The following DSC2 variants were observed in gnomAD, a reference collection of about 807,000 sequenced individuals.
DSC2 encodes the protein desmocollin-2.
Under a neutral mutation model 87.6 loss-of-function variants are expected in DSC2, and 51 were observed. The observed-to-expected ratio is 0.58, with a 90% CI of 0.46 to 0.74. The LOEUF (loss-of-function observed/expected upper bound fraction) is 0.74, where lower values mean the gene tolerates loss of function less well. Among genes scored for constraint, DSC2 ranks in the 30% least tolerant of loss-of-function variants. DSC2 has a pLI of 0.00. For missense variants in DSC2, 1,066 were observed against 1,089.5 expected (o/e 0.98, Z 0.30); for synonymous variants, 383 against 393.2 (o/e 0.97, Z 0.31).
intron 7 of DSC2, 68 bp from the exon 8 acceptor site, chr18:31,083,128 C>T (rs1987286342): frequency 1.9e-6 from 3 of 1,551,120 alleles, no homozygotes; most frequent in East Asian, 4.7e-5. Flanking sequence ...TCTTACTTTA[C>T]ACTCCATAAT....
At chr18:31,094,102 G>A (rs933770979) in intron 1 of DSC2, among the ~76,000 whole-genome samples, 6 of 152,070 alleles carry the variant, frequency 3.9e-5, no homozygotes, top group Admixed American at 6.6e-5. Flanking sequence ...GTACAGTGAC[G>A]ATCCAACAAC....
chr18:31,075,814 C>T (rs1294602782), intron 11 of DSC2, among the ~76,000 whole-genome samples: 3 of 152,082 alleles, frequency 2.0e-5, no homozygotes, highest in Non-Finnish European at 2.9e-5. Flanking sequence ...CACACCATTG[C>T]ACTCCAGCCT....
At chr18:31,096,107 T>G (rs1191497481) in intron 1 of DSC2, among the ~76,000 whole-genome samples, 1 of 152,108 alleles carries the variant, frequency 6.6e-6, no homozygotes, top group African/African-American at 2.4e-5. Flanking sequence ...TTGGAGCAAA[T>G]AAATTAAATA....
At chr18:31,088,081 T>G (rs914808448) in intron 5 of DSC2, among the ~76,000 whole-genome samples, 1 of 152,236 alleles carries the variant, frequency 6.6e-6, no homozygotes, top group Non-Finnish European at 1.5e-5. Context: ...CTGTTATTCA[T>G]GAGTGTAACA....
chr18:31,083,153 A>C, intron 7 of DSC2, 93 bp from the exon 8 acceptor site: 1 of 1,412,724 alleles, frequency 7.1e-7, no homozygotes, highest in Non-Finnish European at 9.7e-7. Context: ...TTGCACTAAG[A>C]ATTTAAGAAG....
At chr18:31,093,721 T>A (rs940879339) in intron 1 of DSC2, 78 bp from the exon 2 acceptor site, 1 of 672,604 alleles carries the variant, frequency 1.5e-6, no homozygotes. Flanking sequence ...ATATAAATTA[T>A]AAATTTATAA....
In DSC2 at chr18:31,087,826, T is replaced by C. The variant is rs1465021513; in HGVS notation, c.631-13A>G. 1.2e-6 allele frequency: 2 copies of C among 1,613,116 alleles called. No homozygotes were observed. The highest frequency in any genetic ancestry group is 1.1e-5 in the South Asian group (1 of 91,072). On this transcript the variant is annotated splice_polypyrimidine_tract_variant and intron_variant, in intron 5 of 15. Transcript: ENST00000280904. The stretch of plus-strand genomic sequence containing the variant: ...CAAAGGCAATTATCTGTGAAGAGAG[T>C]AAAATAAGGAGAAAAGTGAAAATAA...
chr18:31,074,704 A>G lies in DSC2; in HGVS notation c.1867T>C (p.Trp623Arg), dbSNP rs764869958. Reference sequence around the variant, plus strand: ...ATACCATTAATTGCTTTCAGTCTCCACATTCTCTGTACTTCTGAAGTAGAA... The same window carrying G: ...ATACCATTAATTGCTTTCAGTCTCCGCATTCTCTGTACTTCTGAAGTAGAA... ...ESSTSEVQRM[W>R]RLKAINDTAA... Residue 623 changes from tryptophan to arginine, a missense_variant, in exon 12 of 16, where the codon TGG (tryptophan) becomes CGG (arginine). Trp to Arg is a moderately radical substitution (Grantham distance 101). Coordinates refer to ENST00000280904, the MANE Select transcript of DSC2 (RefSeq NM_024422.6). 6 of 1,613,978 alleles carry G rather than the reference A, an allele frequency of 3.7e-6. No homozygotes were observed. Among genetic ancestry groups the G allele is most frequent in the Non-Finnish European group, 5.1e-6 (6 of 1,179,944 alleles).
Position 31,071,647 on chromosome 18 carries a change from A to G in DSC2, c.2083T>C (p.Trp695Arg). The G allele has an allele frequency of 1.2e-6, 2 of 1,614,140 alleles. No homozygotes were observed. Among genetic ancestry groups the G allele is most frequent in the Non-Finnish European group, 1.7e-6 (2 of 1,179,992 alleles). Reference sequence around the variant, plus strand: ...CCCAACAATATTGCAAGGATGGCCCACTTTCCAAGTTGTACTCCTCCACCG... The same window carrying G: ...CCCAACAATATTGCAAGGATGGCCCGCTTTCCAAGTTGTACTCCTCCACCG... ...IGGGGVQLGKWAILAILLGIA... is the reference protein window; with the variant it reads ...IGGGGVQLGKRAILAILLGIA... The change falls in exon 13 of 16, where the codon TGG (tryptophan) becomes CGG (arginine). Residue 695 changes from tryptophan (W) to arginine (R), a missense_variant. Physicochemically the swap from Trp to Arg is moderately radical, Grantham distance 101. Coordinates refer to ENST00000280904, the MANE Select transcript of DSC2 (RefSeq NM_024422.6).
rs553910391 is a variant in DSC2 at position 31,093,808 on chromosome 18, T to C, written c.70-165A>G. On this transcript the variant is annotated intron_variant, in intron 1 of 15. Coordinates refer to ENST00000280904, the MANE Select transcript of DSC2 (RefSeq NM_024422.6). ...ACATATTGACTACACTAAATATTAA[T>C]TTTAAAATATTTAATTAAATATAAA... 5.4e-5 allele frequency among the ~76,000 whole-genome samples: 8 copies of C among 149,278 alleles called. No individual in the cohort carries two copies. In the South Asian group the frequency reaches 8.3e-4, roughly 16 times the overall value.
rs1987294066 is a variant in DSC2 at position 31,083,323 on chromosome 18, T to TC, written c.943-264dup. Among the ~76,000 whole-genome samples the TC allele has an allele frequency of 3.9e-5, 6 of 152,264 alleles. No individual in the cohort carries two copies. In the South Asian group the frequency reaches 1.2e-3, roughly 32 times the overall value. ...ATCTTGGCTCACTGCAACCTCTGCCTCCCGGGTTCAAGCGAGGCAGGAGAA... is the reference window on the plus strand; with the variant it reads ...ATCTTGGCTCACTGCAACCTCTGCCTCCCCGGGTTCAAGCGAGGCAGGAGAA... On this transcript the variant is annotated intron_variant, in intron 7 of 15. Coordinates refer to ENST00000280904, the MANE Select transcript of DSC2 (RefSeq NM_024422.6).
intron 5 of DSC2, 55 bp downstream of exon 5, chr18:31,089,384 A>T (rs963160039): frequency 6.9e-6 from 11 of 1,605,824 alleles, no homozygotes; most frequent in Admixed American, 3.3e-5. Flanking sequence ...CAAATGAGAG[A>T]CAAAATGGCC....
chr18:31,071,066 A>G lies in DSC2; in HGVS notation c.2126-216T>C, dbSNP rs548778071. 3.3e-5 allele frequency among the ~76,000 whole-genome samples: 5 copies of G among 152,272 alleles called. No homozygotes were observed. In the East Asian group the frequency reaches 5.8e-4, roughly 18 times the overall value. ...ATAGCATATCTACTTAAACTTTTAA[A>G]CAGATATGCTATAATTATGTTACAT... On this transcript the variant is annotated intron_variant, in intron 13 of 15. Transcript: ENST00000280904.
rs1002646457 is a variant in DSC2, at chr18:31,092,218, G to C, written c.237C>G (p.Val79=). The part of the protein sequence containing the change: ...PDFQILEDGS[V]YTTNTILLSS... ...ACAATAGAATAGTATTTGTTGTATA[G>C]ACTGAACCATCCTCCAAAATTTGGA... The change falls in exon 3 of 16, where the codon GTC becomes GTG. Residue 79 remains valine (V), a synonymous_variant. Coordinates refer to ENST00000280904, the MANE Select transcript of DSC2 (RefSeq NM_024422.6). 4 of 1,613,712 alleles carry C rather than the reference G, an allele frequency of 2.5e-6. No individual in the cohort carries two copies. The highest frequency in any genetic ancestry group is 3.4e-6 in the Non-Finnish European group (4 of 1,179,764).
intron 11 of DSC2, among the ~76,000 whole-genome samples, chr18:31,075,855 C>T (rs1014063346): frequency 4.7e-5 from 7 of 149,926 alleles, no homozygotes; most frequent in South Asian, 2.1e-4. Flanking sequence ...CATCTCAAAA[C>T]GAAAAAAAGA....
chr18:31,082,468 C>G (rs776278136), intron 8 of DSC2, 45 bp from the exon 9 acceptor site: 1 of 1,545,412 alleles, frequency 6.5e-7, no homozygotes, highest in South Asian at 1.1e-5. Flanking sequence ...GTAACTCTCA[C>G]AAAAATTGAA....
Position 31,071,780 on chromosome 18 carries a change from TA to T in DSC2, c.1949del (p.Ile650LysfsTer3). 1 of 1,614,056 alleles carries T rather than the reference TA, an allele frequency of 6.2e-7. No homozygotes were observed. The highest frequency in any genetic ancestry group is 8.5e-7 in the Non-Finnish European group (1 of 1,179,966). ...ACATGCCAAGTCTATCTCTCACTGT[TA>T]TAGGTACTACATATGAGCCAAATGG... ...DPPFGSYVVP[I>X]TVRDRLGMSS... is the part of the protein sequence containing the mutation. On this transcript the variant is annotated frameshift_variant, in exon 13 of 16. Transcript: ENST00000280904. LOFTEE classifies it high-confidence loss of function.
chr18:31,096,162 A>G (rs1037365950), intron 1 of DSC2, among the ~76,000 whole-genome samples: 2 of 152,204 alleles, frequency 1.3e-5, no homozygotes, highest in African/African-American at 4.8e-5. Flanking sequence ...AATGTGGAGA[A>G]TGGAAAAAAC....
In DSC2 at chr18:31,101,892, G is replaced by T. The variant is rs1207829723; in HGVS notation, c.69+11C>A. 1 of 1,531,896 alleles carries T rather than the reference G, an allele frequency of 6.5e-7. No individual in the cohort carries two copies. The highest frequency in any genetic ancestry group is 8.7e-7 in the Non-Finnish European group (1 of 1,144,368). The allele number at this position is 1,531,896 out of a possible 1,614,324, so 94.9% of individuals were successfully genotyped here. A position where few individuals can be genotyped will look rare whatever the true frequency, so the allele number is the denominator to read the frequency against. On this transcript the variant is annotated intron_variant, in intron 1 of 15. Coordinates refer to ENST00000280904, the MANE Select transcript of DSC2 (RefSeq NM_024422.6). ...CCCCTTCCCCGGAGCGGTGGCCGCGGCTACACTCACCGCGAGGGTCAGCAG... is the reference window on the plus strand; with the variant it reads ...CCCCTTCCCCGGAGCGGTGGCCGCGTCTACACTCACCGCGAGGGTCAGCAG...
Sources: allele counts gnomAD v4.1 joint callset (sites outside exome capture counted in the v4.1 genomes callset), GRCh38; gene constraint gnomAD v4.1.1; transcripts MANE v1.5; gene names NCBI Gene and HGNC (gene_info 2026-07-23, HGNC 2026-07-21).